Variants in NLRP14 observed in about 807,000 individuals in gnomAD.
NLRP14 encodes NACHT, LRR and PYD domains-containing protein 14.
A neutral mutation model predicts 94.7 loss-of-function variants in NLRP14; 105 were observed. That is an observed-to-expected ratio of 1.11 (90% CI 0.95 to 1.30). NLRP14 has a LOEUF of 1.30. Ranked by LOEUF, NLRP14 falls within the 50% of genes most tolerant of loss-of-function variation. NLRP14 has a pLI of 0.00. For missense variants in NLRP14, 1,362 were observed against 1,254.1 expected (o/e 1.09, Z -1.30); for synonymous variants, 508 against 459.9 (o/e 1.10, Z -1.34).
intron 11 of NLRP14, 26 bp downstream of exon 11, chr11:7,070,482 G>A (rs757633429): frequency 5.1e-6 from 8 of 1,570,342 alleles, no homozygotes; most frequent in Middle Eastern, 1.7e-4. Context: ...CTTCTCAGGG[G>A]GAGCATTTCC....
At chr11:7,055,767 A>G (rs982645984) in intron 6 of NLRP14, among the ~76,000 whole-genome samples, 1 of 152,094 alleles carries the variant, frequency 6.6e-6, no homozygotes, top group African/African-American at 2.4e-5. Context: ...CATCTTATGG[A>G]CCTATACCAA....
intron 1 of NLRP14, among the ~76,000 whole-genome samples, chr11:7,033,484 CTTTTTCTATTCCTGAATATTACA>C (rs932077907): frequency 5.3e-5 from 8 of 152,080 alleles, no homozygotes; most frequent in Admixed American, 4.6e-4. Flanking sequence ...CCATAGTGTT[CTTTTTCTATTCCTGAATATTACA>C]TTTTTCTATT....
At chr11:7,021,612 C>T (rs1851937606) in intron 1 of NLRP14, among the ~76,000 whole-genome samples, 1 of 151,992 alleles carries the variant, frequency 6.6e-6, no homozygotes, top group African/African-American at 2.4e-5. Flanking sequence ...GTATTTTCAC[C>T]TGTAAATTGC....
chr11:7,053,981 C>T (rs1852481467), intron 6 of NLRP14, among the ~76,000 whole-genome samples: 1 of 152,142 alleles, frequency 6.6e-6, no homozygotes, highest in African/African-American at 2.4e-5. Flanking sequence ...TGATAACCAT[C>T]ATTCTACTCT....
At chr11:7,069,545 T>C (rs1194351513) in intron 10 of NLRP14, among the ~76,000 whole-genome samples, 1 of 152,216 alleles carries the variant, frequency 6.6e-6, no homozygotes, top group Non-Finnish European at 1.5e-5. Flanking sequence ...GCTGACCTAA[T>C]GTATTCGAAA....
At chr11:7,030,101 C>T (rs1176673565) in intron 1 of NLRP14, among the ~76,000 whole-genome samples, 1 of 152,146 alleles carries the variant, frequency 6.6e-6, no homozygotes, top group Non-Finnish European at 1.5e-5. Flanking sequence ...AATGGGTAAT[C>T]CTTAGAAAAA....
intron 5 of NLRP14, 150 bp downstream of exon 5, chr11:7,046,982 A>C: frequency 1.4e-6 from 1 of 705,098 alleles, no homozygotes; most frequent in East Asian, 2.7e-5. Flanking sequence ...TCCTCTGGGG[A>C]CATGGGATCA....
chr11:7,083,334 A>T, the NLRP14 span, among the ~76,000 whole-genome samples: 39 of 152,350 alleles, frequency 2.6e-4, 1 homozygote, highest in African/African-American at 8.2e-4. Flanking sequence ...CTCTGAGGAA[A>T]ATATCTCTCT....
intron 5 of NLRP14, among the ~76,000 whole-genome samples, chr11:7,047,504 C>T (rs1377299326): frequency 1.3e-5 from 2 of 151,802 alleles, no homozygotes; most frequent in African/African-American, 4.8e-5. Flanking sequence ...TGTGGTCTCA[C>T]TGTGTTGCCC....
At chr11:7,039,303 G>A (rs928839988) in intron 2 of NLRP14, among the ~76,000 whole-genome samples, 26 of 151,914 alleles carry the variant, frequency 1.7e-4, no homozygotes, top group African/African-American at 5.8e-4. Context: ...TCATTCTCAG[G>A]TATGAAATAT....
the NLRP14 span, chr11:7,089,708 G>A: frequency 1.3e-6 from 2 of 1,523,930 alleles, no homozygotes; most frequent in Non-Finnish European, 1.8e-6. Context: ...CACCGCGCCG[G>A]GAGCCGCTGC....
At chr11:7,047,152 C>T (rs10734614) in intron 5 of NLRP14, among the ~76,000 whole-genome samples, 146,037 of 151,946 alleles carry the variant, frequency 0.96, 70,301 homozygotes, top group Middle Eastern at 1. Context: ...ACTTACTATC[C>T]TCTTAAATTT....
the NLRP14 span, chr11:7,089,059 G>A: frequency 1.5e-5 from 23 of 1,562,654 alleles, no homozygotes; most frequent in Non-Finnish European, 1.9e-5. Context: ...GAGCTCGAAG[G>A]CTGCGACTGG....
Position 7,043,292 on chromosome 11 carries a change from C to T in NLRP14, c.1266C>T (p.Ala422=). 6.2e-7 allele frequency: 1 copy of T among 1,614,146 alleles called. No individual in the cohort carries two copies. Residue 422 remains alanine, a synonymous_variant, in exon 4 of 12, where the codon GCC becomes GCT. Transcript: ENST00000299481. ...GCTCTCCTAGTCTACCCAACCAAGC[C>T]CAGCTGAGAAGACTGTGCCAAGTCG... The part of the protein sequence containing the change: ...DGGSPSLPNQ[A]QLRRLCQVAA...
intron 1 of NLRP14, among the ~76,000 whole-genome samples, chr11:7,026,853 C>G (rs1008089393): frequency 5.3e-5 from 8 of 151,346 alleles, no homozygotes; most frequent in Non-Finnish European, 1.0e-4. Flanking sequence ...GGAGATATAC[C>G]TAATGCTAAA....
intron 3 of NLRP14, among the ~76,000 whole-genome samples, chr11:7,040,909 C>T (rs547970839): frequency 6.6e-6 from 1 of 152,062 alleles, no homozygotes; most frequent in Admixed American, 6.5e-5. Flanking sequence ...TTATTTCAAA[C>T]CTAATGGCTA....
At chr11:7,078,462 A>AAAAAAAAAAAAAAAT in the NLRP14 span, among the ~76,000 whole-genome samples, 1 of 88,484 alleles carries the variant, frequency 1.1e-5, no homozygotes, top group African/African-American at 4.3e-5. Flanking sequence ...AAAAAAAAAA[A>AAAAAAAAAAAAAAAT]CAAAAAAATT....
At position 7,020,771 on chromosome 11, in the gene NLRP14, G is replaced by A. The variant is rs1022182694; in HGVS notation, c.-22+1G>A. The A allele has an allele frequency of 6.6e-6, 1 of 152,296 alleles. No homozygotes were observed. The highest frequency in any genetic ancestry group is 2.4e-5 in the African/African-American group (1 of 41,466). The allele number at this position is 152,296 out of a possible 1,614,324, so 9.4% of individuals were successfully genotyped here. ...TAGCTAGCATCGCTCTAAACTCAAGGTTAGAGGTTTTCAAATTCCGTCCTA... is the reference window on the plus strand; with the variant it reads ...TAGCTAGCATCGCTCTAAACTCAAGATTAGAGGTTTTCAAATTCCGTCCTA... On this transcript the variant is annotated splice_donor_variant, in intron 1 of 11. Transcript: ENST00000299481. LOFTEE classifies it low-confidence loss of function (5UTR_SPLICE).
In NLRP14 at chr11:7,029,911, C is replaced by G. The variant is rs1162776254; in HGVS notation, c.-21-8655C>G. ...TGGGCCCATCTTGCTAACTAGCATG[C>G]CTGAGTCCTTAGTATCAGTTGCCTA... On this transcript the variant is annotated intron_variant, in intron 1 of 11. Coordinates refer to ENST00000299481, the MANE Select transcript of NLRP14 (RefSeq NM_176822.4). 2.0e-5 allele frequency among the ~76,000 whole-genome samples: 3 copies of G among 152,284 alleles called. 1 individual carries two copies. Among genetic ancestry groups the G allele is most frequent in the African/African-American group, 4.8e-5 (2 of 41,546 alleles).
Sources: allele counts gnomAD v4.1 joint callset (sites outside exome capture counted in the v4.1 genomes callset), GRCh38; gene constraint gnomAD v4.1.1; transcripts MANE v1.5; gene names NCBI Gene and HGNC (gene_info 2026-07-23, HGNC 2026-07-21).